The following PTPRO variants were observed in gnomAD, a reference collection of about 807,000 sequenced individuals.
PTPRO encodes receptor-type tyrosine-protein phosphatase O.
In PTPRO, 62 loss-of-function variants were observed where a neutral mutation model predicts 145.2. That is an observed-to-expected ratio of 0.43 (90% confidence interval 0.35 to 0.53). The LOEUF (loss-of-function observed/expected upper bound fraction) is 0.53. Among genes scored for constraint, PTPRO ranks in the 20% least tolerant of loss-of-function variants. The pLI is 0.01. For synonymous variants in PTPRO, 565 were observed against 514.7 expected, an observed-to-expected ratio of 1.10 and a Z score of -1.32; for missense variants, 1,345 against 1,482.7, an observed-to-expected ratio of 0.91 and a Z score of 1.53.
intron 25 of PTPRO, among the ~76,000 whole-genome samples, chr12:15,591,071 A>G (rs1237461102): frequency 7.9e-5 from 12 of 152,144 alleles, no homozygotes; most frequent in Non-Finnish European, 1.6e-4. Flanking sequence ...ACCTTTTACA[A>G]CTTCATAGAT....
chr12:15,374,410 T>C (rs1938619488), intron 1 of PTPRO, among the ~76,000 whole-genome samples: 1 of 143,774 alleles, frequency 7.0e-6, no homozygotes. Flanking sequence ...GTTTTATTTA[T>C]TAAAAAAACT....
intron 1 of PTPRO, among the ~76,000 whole-genome samples, chr12:15,435,472 C>A (rs1242193641): frequency 6.6e-6 from 1 of 152,048 alleles, no homozygotes; most frequent in Admixed American, 6.6e-5. Flanking sequence ...TGCTGCTTTG[C>A]ACTGTATTGA....
chr12:15,356,985 A>G (rs1938014790), intron 1 of PTPRO, among the ~76,000 whole-genome samples: 2 of 152,122 alleles, frequency 1.3e-5, no homozygotes, highest in Non-Finnish European at 2.9e-5. Flanking sequence ...TCTATTGTCT[A>G]TCCCTGCACG....
At chr12:15,564,147 G>A (rs1175114579) in intron 17 of PTPRO, among the ~76,000 whole-genome samples, 1 of 152,150 alleles carries the variant, frequency 6.6e-6, no homozygotes, top group Non-Finnish European at 1.5e-5. Flanking sequence ...AGACAAAGAG[G>A]ATGAGGGAGA....
In PTPRO at chr12:15,322,818, A is replaced by AC. The variant is rs1469032358; in HGVS notation, c.75+21dup. The AC allele has an allele frequency of 6.2e-7, 1 of 1,608,254 alleles. No homozygotes were observed. The highest frequency in any genetic ancestry group is 8.5e-7 in the Non-Finnish European group (1 of 1,177,898). ...CTGTTCAAGGTAGGGGAGCTCCTCC[A>AC]CCCCTTTTTCCCAGCGGTCCGGGCG... On this transcript the variant is annotated intron_variant, in intron 1 of 26. Transcript: ENST00000281171. This position sits in a 1 kb window ranked among gnomAD's most constrained non-coding sequence, Gnocchi z 6.3.
intron 19 of PTPRO, among the ~76,000 whole-genome samples, chr12:15,575,195 G>T (rs557136044): frequency 6.6e-6 from 1 of 152,246 alleles, no homozygotes; most frequent in Non-Finnish European, 1.5e-5. Flanking sequence ...GGTTTTATTC[G>T]GTGAAAAGGA....
intron 1 of PTPRO, among the ~76,000 whole-genome samples, chr12:15,473,350 C>T (rs970015693): frequency 1.8e-4 from 28 of 152,172 alleles, no homozygotes; most frequent in African/African-American, 6.5e-4. Flanking sequence ...TTAGCTCATG[C>T]TTGTGTGTTA....
Position 15,411,589 on chromosome 12 carries a change from T to A in PTPRO, c.76-72385T>A, listed in dbSNP as rs1400101707. Reference sequence around the variant, plus strand: ...TTCGTAGCTGTGATACAGAATGCTGTCATACGTCTCACTACCACTCCAAAG... The same window carrying A: ...TTCGTAGCTGTGATACAGAATGCTGACATACGTCTCACTACCACTCCAAAG... On this transcript the variant is annotated intron_variant, in intron 1 of 26. Transcript: ENST00000281171. Among the ~76,000 whole-genome samples, 5 of 152,224 alleles carry A rather than the reference T, an allele frequency of 3.3e-5. No individual in the cohort carries two copies. In the East Asian group the frequency reaches 9.6e-4, roughly 29 times the overall value.
At chr12:15,406,344 A>G (rs1939647243) in intron 1 of PTPRO, among the ~76,000 whole-genome samples, 1 of 152,246 alleles carries the variant, frequency 6.6e-6, no homozygotes, top group African/African-American at 2.4e-5. Flanking sequence ...CAGAAAAGAT[A>G]TAAAGAGCCA....
chr12:15,327,541 A>G (rs1289237371), intron 1 of PTPRO, among the ~76,000 whole-genome samples: 6 of 152,200 alleles, frequency 3.9e-5, no homozygotes, highest in African/African-American at 1.4e-4. Flanking sequence ...AGTATTTTCT[A>G]CACCCTGGTC....
intron 23 of PTPRO, among the ~76,000 whole-genome samples, chr12:15,584,333 C>T (rs1944386252): frequency 6.6e-6 from 1 of 152,154 alleles, no homozygotes; most frequent in Non-Finnish European, 1.5e-5. Context: ...TTAGATATTT[C>T]AATTGAAAAG....
intron 2 of PTPRO, among the ~76,000 whole-genome samples, chr12:15,487,616 C>T (rs200383056): frequency 6.6e-6 from 1 of 151,526 alleles, no homozygotes; most frequent in Admixed American, 6.6e-5. Flanking sequence ...TCTCTCTAGT[C>T]CCCTATCCTG....
At chr12:15,469,757 T>C (rs1016788344) in intron 1 of PTPRO, among the ~76,000 whole-genome samples, 1 of 123,908 alleles carries the variant, frequency 8.1e-6, no homozygotes, top group Non-Finnish European at 1.6e-5. Flanking sequence ...ATCATGGCGT[T>C]AGTGTCCTGA....
At chr12:15,504,195 G>A in intron 6 of PTPRO, 126 bp downstream of exon 6, 1 of 1,036,290 alleles carries the variant, frequency 9.6e-7, no homozygotes, top group Admixed American at 2.2e-5. Flanking sequence ...TCAAGATCAG[G>A]AGAGGCTGAG....
intron 1 of PTPRO, among the ~76,000 whole-genome samples, chr12:15,444,551 C>T (rs910396583): frequency 6.6e-6 from 1 of 152,044 alleles, no homozygotes; most frequent in Non-Finnish European, 1.5e-5. Flanking sequence ...TACTTTGTTA[C>T]ATATAACGCC....
chr12:15,509,638 A>G (rs1290253500), intron 7 of PTPRO, among the ~76,000 whole-genome samples: 1 of 88,090 alleles, frequency 1.1e-5, no homozygotes, highest in Non-Finnish European at 2.9e-5. Context: ...TGGGGGTTGC[A>G]GTGAGCCCAC....
At chr12:15,499,342 A>G in intron 3 of PTPRO, 100 bp from the exon 4 acceptor site, 3 of 1,220,554 alleles carry the variant, frequency 2.5e-6, no homozygotes, top group Non-Finnish European at 3.6e-6. Context: ...TGAAGGAAAT[A>G]TTATTTTGTG....
intron 10 of PTPRO, among the ~76,000 whole-genome samples, chr12:15,523,198 A>G (rs886549512): frequency 6.6e-6 from 1 of 152,232 alleles, no homozygotes; most frequent in Non-Finnish European, 1.5e-5. Context: ...ATAGCTAGTT[A>G]TGAATGTTTG....
intron 1 of PTPRO, among the ~76,000 whole-genome samples, chr12:15,343,814 C>G (rs1867097495): frequency 1.3e-5 from 2 of 152,172 alleles, no homozygotes; most frequent in African/African-American, 4.8e-5. Context: ...CATTCTCCTG[C>G]CTCAGACCAG....
Sources: allele counts gnomAD v4.1 joint callset (sites outside exome capture counted in the v4.1 genomes callset), GRCh38; gene constraint gnomAD v4.1.1; non-coding constraint Gnocchi (gnomAD v3.1); transcripts MANE v1.5; gene names NCBI Gene and HGNC (gene_info 2026-07-23, HGNC 2026-07-21).